NLRP9: variants seen among roughly 807,000 people sequenced by gnomAD.
The protein encoded by NLRP9 is NACHT, LRR and PYD domains-containing protein 9.
NLRP9 carries 88 observed loss-of-function variants against 83.1 expected under a neutral mutation model. That is an observed-to-expected ratio of 1.06 (90% CI 0.89 to 1.26). The LOEUF (loss-of-function observed/expected upper bound fraction) is 1.26. NLRP9 is among the 50% of genes most tolerant of loss of function. The probability of loss-of-function intolerance (pLI) is 0.00; values close to 1 mark genes in which losing one functional copy is unlikely to be tolerated. For missense variants in NLRP9, 1,308 were observed against 1,179.3 expected (o/e 1.11, Z -1.60); for synonymous variants, 521 against 447.6 (o/e 1.16, Z -2.07).
At chr19:55,735,862 A>G (rs1290899367) in intron 1 of NLRP9, among the ~76,000 whole-genome samples, 1 of 151,214 alleles carries the variant, frequency 6.6e-6, no homozygotes, top group Non-Finnish European at 1.5e-5. Context: ...TAATTTTTGT[A>G]TTTTTAGTAG....
chr19:55,729,586 T>C (rs1445350562), intron 3 of NLRP9, among the ~76,000 whole-genome samples: 1 of 152,078 alleles, frequency 6.6e-6, no homozygotes, highest in Admixed American at 6.6e-5. Flanking sequence ...TATGGCTGCA[T>C]AGTATTCCAT....
intron 6 of NLRP9, among the ~76,000 whole-genome samples, chr19:55,714,582 C>T (rs1223081662): frequency 6.7e-6 from 1 of 149,954 alleles, no homozygotes; most frequent in Admixed American, 6.6e-5. Flanking sequence ...ATAGCCTCAT[C>T]TGGATTTTTT....
In NLRP9 at chr19:55,708,466, A is replaced by T. The variant is rs2122264718; in HGVS notation, c.*446T>A. The T allele has an allele frequency of 2.0e-5, 3 of 152,914 alleles. No individual in the cohort carries two copies. In the South Asian group the frequency reaches 6.2e-4, roughly 32 times the overall value. 9.5% of individuals were successfully genotyped at this position (152,914 alleles called of 1,614,324 possible). On this transcript the variant is annotated 3_prime_UTR_variant, in exon 9 of 9. Coordinates refer to ENST00000332836, the MANE Select transcript of NLRP9 (RefSeq NM_176820.4). ...GGAAATGCTTTTTTATTGGACAAGA[A>T]AATTGATCAAATCGAAATCTGGACA...
chr19:55,735,907 C>T (rs927093838), intron 1 of NLRP9, among the ~76,000 whole-genome samples: 1 of 151,790 alleles, frequency 6.6e-6, no homozygotes, highest in South Asian at 2.1e-4. Context: ...AGGCTGGTCT[C>T]GAACTCCTGA....
Position 55,711,965 on chromosome 19 carries a change from TGCAGCCTGCAAAAGG to T in NLRP9, c.2673-10_2677del. On this transcript the variant is annotated splice_acceptor_variant and splice_polypyrimidine_tract_variant and coding_sequence_variant and intron_variant, in exon 8 of 9. Transcript: ENST00000332836. LOFTEE classifies it high-confidence loss of function. ...GCAGGCACGGGTGATCGGACACGTTTGCAGCCTGCAAAAGGGAAACACACCAGAGAATCCACTCTA... is the reference window on the plus strand; with the variant it reads ...GCAGGCACGGGTGATCGGACACGTTTGAAACACACCAGAGAATCCACTCTA... 1 of 1,612,338 alleles carries T rather than the reference TGCAGCCTGCAAAAGG, an allele frequency of 6.2e-7. No individual in the cohort carries two copies.
chr19:55,718,820 T>C (rs1211321419), intron 4 of NLRP9, among the ~76,000 whole-genome samples: 1 of 152,250 alleles, frequency 6.6e-6, no homozygotes, highest in Non-Finnish European at 1.5e-5. Context: ...TCTTGTTTCT[T>C]TTCTGAGTCT....
chr19:55,736,445 CAG>C (rs1376285877), intron 1 of NLRP9, among the ~76,000 whole-genome samples: 2 of 152,022 alleles, frequency 1.3e-5, no homozygotes, highest in East Asian at 3.9e-4. Context: ...TTTAGGACCT[CAG>C]TGTCCCAAGT....
chr19:55,721,159 G>A (rs1363692510), intron 4 of NLRP9, among the ~76,000 whole-genome samples: 1 of 152,168 alleles, frequency 6.6e-6, no homozygotes, highest in Non-Finnish European at 1.5e-5. Flanking sequence ...CATTTCATTA[G>A]TAAAGTTTCC....
chr19:55,713,351 T>C (rs1250228678), intron 6 of NLRP9, among the ~76,000 whole-genome samples: 1 of 151,648 alleles, frequency 6.6e-6, no homozygotes, highest in African/African-American at 2.4e-5. Flanking sequence ...GAATAGTTAA[T>C]AGATGATAAA....
At chr19:55,716,955 A>G (rs751144342) in intron 4 of NLRP9, 57 bp from the exon 5 acceptor site, 2 of 1,450,982 alleles carry the variant, frequency 1.4e-6, no homozygotes, top group Non-Finnish European at 9.6e-7. Context: ...CTCATGAAAC[A>G]TTATCCACAG....
intron 8 of NLRP9, among the ~76,000 whole-genome samples, chr19:55,711,085 C>CAAAA (rs770121384): frequency 4.4e-5 from 5 of 112,428 alleles, no homozygotes; most frequent in African/African-American, 1.6e-4. Flanking sequence ...GACTCTGCCT[C>CAAAA]AAAAAAACAA....
intron 8 of NLRP9, 181 bp from the exon 9 acceptor site, chr19:55,709,225 T>G: frequency 2.3e-6 from 1 of 427,736 alleles, no homozygotes; most frequent in Non-Finnish European, 4.1e-6. Context: ...GCCTCTGATT[T>G]ATACCATAAA....
intron 3 of NLRP9, among the ~76,000 whole-genome samples, chr19:55,724,936 G>A (rs564365624): frequency 1.3e-5 from 2 of 152,242 alleles, no homozygotes; most frequent in South Asian, 2.1e-4. Flanking sequence ...GTGTGTGCCT[G>A]TAATCCCAGG....
At chr19:55,717,581 G>A (rs1170243218) in intron 4 of NLRP9, among the ~76,000 whole-genome samples, 1 of 152,176 alleles carries the variant, frequency 6.6e-6, no homozygotes, top group East Asian at 1.9e-4. Context: ...TCCAGAACTC[G>A]ATAAATCTGA....
At chr19:55,709,392 AAC>A (rs1475598811) in intron 8 of NLRP9, 2 of 158,082 alleles carry the variant, frequency 1.3e-5, no homozygotes, top group East Asian at 3.7e-4. Context: ...AAAAAAAAAA[AAC>A]ATGAGCTTTT....
rs1209433577 is a variant in NLRP9, at chr19:55,708,894, ACTT to A, written c.*15_*17del. 5 of 1,519,482 alleles carry A rather than the reference ACTT, an allele frequency of 3.3e-6. No homozygotes were observed. The highest frequency in any genetic ancestry group is 4.4e-6 in the Non-Finnish European group (5 of 1,140,754). 94.1% of individuals were successfully genotyped at this position (1,519,482 alleles called of 1,614,324 possible). On this transcript the variant is annotated 3_prime_UTR_variant, in exon 9 of 9. Coordinates refer to ENST00000332836, the MANE Select transcript of NLRP9 (RefSeq NM_176820.4). ...CAAGGAAAGCCTTTGTGAGACGACTACTTCAGGGTGTTCCCCATCAGAGGAGCA... is the reference window on the plus strand; with the variant it reads ...CAAGGAAAGCCTTTGTGAGACGACTACAGGGTGTTCCCCATCAGAGGAGCA...
chr19:55,713,864 T>A (rs1173438288), intron 6 of NLRP9, among the ~76,000 whole-genome samples: 1 of 49,934 alleles, frequency 2.0e-5, no homozygotes, highest in Non-Finnish European at 3.6e-5. Flanking sequence ...TCCCCTCTCC[T>A]CCCCCATCCT....
intron 3 of NLRP9, among the ~76,000 whole-genome samples, chr19:55,728,472 T>C (rs1988465349): frequency 6.6e-6 from 1 of 152,090 alleles, no homozygotes; most frequent in South Asian, 2.1e-4. Flanking sequence ...CTCGGGAGAC[T>C]GAGGCAGGAG....
intron 6 of NLRP9, among the ~76,000 whole-genome samples, chr19:55,713,450 G>A (rs1166984820): frequency 6.6e-6 from 1 of 151,740 alleles, no homozygotes; most frequent in Admixed American, 6.6e-5. Context: ...GTATGTGTCT[G>A]ATGTATGTAC....
Sources: allele counts gnomAD v4.1 joint callset (sites outside exome capture counted in the v4.1 genomes callset), GRCh38; gene constraint gnomAD v4.1.1; transcripts MANE v1.5; gene names NCBI Gene and HGNC (gene_info 2026-07-23, HGNC 2026-07-21).